The following CCDC30 variants were observed in gnomAD, a reference collection of about 807,000 sequenced individuals.
CCDC30 encodes the protein coiled-coil domain-containing protein 30.
CCDC30 carries 70 observed loss-of-function variants against 100.2 expected under a neutral mutation model. That is an observed-to-expected ratio of 0.70 (90% CI 0.58 to 0.85). The LOEUF is 0.85. Among genes scored for constraint, CCDC30 ranks in the 40% least tolerant of loss-of-function variants. The pLI is 0.00. For missense variants in CCDC30, 652 were observed against 771.2 expected (o/e 0.85, Z 1.83); for synonymous variants, 233 against 269.5 (o/e 0.86, Z 1.33).
intron 11 of CCDC30, among the ~76,000 whole-genome samples, chr1:42,626,702 G>T (rs1646940319): frequency 6.6e-6 from 1 of 152,050 alleles, no homozygotes; most frequent in South Asian, 2.1e-4. Flanking sequence ...TGCTATTCTT[G>T]TGATAGTGAA....
At position 42,509,370 on chromosome 1, in the gene CCDC30, ACT is replaced by A. The variant is rs1222970413; in HGVS notation, c.456+10461_456+10462del. On this transcript the variant is annotated intron_variant, in intron 6 of 16. Coordinates refer to ENST00000668663, the Ensembl canonical transcript of CCDC30. ...TGCAGCTGGAGGCTACAAGATTTTG[ACT>A]CTCTCTAAACTGCTCTCAAGGTCAG... is the stretch of plus-strand genomic sequence containing the variant. Among the ~76,000 whole-genome samples, 5 of 152,004 alleles carry A rather than the reference ACT, an allele frequency of 3.3e-5. No individual in the cohort carries two copies. In the South Asian group the frequency reaches 1.0e-3, roughly 32 times the overall value.
At chr1:42,603,075 A>G (rs1275002110) in intron 10 of CCDC30, among the ~76,000 whole-genome samples, 1 of 152,224 alleles carries the variant, frequency 6.6e-6, no homozygotes, top group African/African-American at 2.4e-5. Context: ...TGCTATAACA[A>G]AATACCTTAG....
At chr1:42,474,392 G>A (rs773335559) in intron 1 of CCDC30, among the ~76,000 whole-genome samples, 1 of 152,142 alleles carries the variant, frequency 6.6e-6, no homozygotes, top group Admixed American at 6.6e-5. Context: ...AATTACCCAT[G>A]TACTTGGCAC....
chr1:42,650,490 A>AT (rs1553129531), intron 15 of CCDC30, among the ~76,000 whole-genome samples: 45 of 130,086 alleles, frequency 3.5e-4, no homozygotes, highest in Admixed American at 1.7e-3. Context: ...TGTCTAAAAA[A>AT]ATATATATGT....
At chr1:42,470,361 G>A (rs1406943408) in intron 1 of CCDC30, among the ~76,000 whole-genome samples, 2 of 151,980 alleles carry the variant, frequency 1.3e-5, no homozygotes, top group South Asian at 2.1e-4. Flanking sequence ...TGCATTGCTG[G>A]TAGGAACGTA....
At chr1:42,460,306 G>A, upstream of CCDC30, 1 of 992,694 alleles carries the variant, frequency 1.0e-6, no homozygotes, top group South Asian at 4.6e-5. Context: ...GCCCTGTGCT[G>A]AGCCATGAGG....
intron 10 of CCDC30, chr1:42,593,646 C>T (rs895257021): frequency 6.6e-6 from 1 of 152,210 alleles, no homozygotes; most frequent in Non-Finnish European, 1.5e-5. Context: ...TGAGGCTGCC[C>T]CAGAGTCTCC....
At chr1:42,605,762 C>T (rs563217281) in intron 10 of CCDC30, among the ~76,000 whole-genome samples, 1 of 152,220 alleles carries the variant, frequency 6.6e-6, no homozygotes, top group Admixed American at 6.5e-5. Context: ...GCTTGGATTA[C>T]AAGCATGAGC....
chr1:42,655,418 G>A (rs553898617), downstream of CCDC30, among the ~76,000 whole-genome samples: 159 of 152,110 alleles, frequency 1.0e-3, no homozygotes, highest in Non-Finnish European at 2.0e-3. Context: ...GGTAGTGCGC[G>A]CGCCTGTAGT....
chr1:42,528,824 A>G (rs986904175), intron 6 of CCDC30, among the ~76,000 whole-genome samples: 1 of 152,198 alleles, frequency 6.6e-6, no homozygotes, highest in African/African-American at 2.4e-5. Context: ...TACCTGGTTA[A>G]TCTACCTCCC....
At chr1:42,626,315 CTA>C (rs1646932941) in intron 11 of CCDC30, among the ~76,000 whole-genome samples, 1 of 151,952 alleles carries the variant, frequency 6.6e-6, no homozygotes, top group Non-Finnish European at 1.5e-5. Flanking sequence ...TTCAGCCAGT[CTA>C]TGTCTTTTGA....
At chr1:42,625,707 T>C (rs749690846) in intron 11 of CCDC30, among the ~76,000 whole-genome samples, 2 of 152,176 alleles carry the variant, frequency 1.3e-5, no homozygotes, top group African/African-American at 4.8e-5. Context: ...TATTCCAATA[T>C]GGTCGGAGAA....
At chr1:42,460,523 T>C (rs75282386), upstream of CCDC30, 1 of 310,840 alleles carries the variant, frequency 3.2e-6, no homozygotes, top group Non-Finnish European at 4.7e-6. Context: ...ACTTTTTGCT[T>C]CTTATTGTAG....
At chr1:42,540,100 G>A (rs377287517) in intron 6 of CCDC30, among the ~76,000 whole-genome samples, 2 of 152,146 alleles carry the variant, frequency 1.3e-5, no homozygotes, top group South Asian at 2.1e-4. Flanking sequence ...AGATTAAGGA[G>A]CAAAGTCTTG....
At chr1:42,556,721 T>C (rs1300453217) in intron 6 of CCDC30, among the ~76,000 whole-genome samples, 2 of 152,154 alleles carry the variant, frequency 1.3e-5, no homozygotes, top group Non-Finnish European at 2.9e-5. Flanking sequence ...AGTAGCAAAA[T>C]AGCAAGTAAA....
intron 6 of CCDC30, among the ~76,000 whole-genome samples, chr1:42,505,866 G>C (rs1172678614): frequency 3.3e-5 from 5 of 152,172 alleles, no homozygotes; most frequent in Non-Finnish European, 5.9e-5. Context: ...CTTCCCCAAA[G>C]GGCTTTTATT....
chr1:42,581,521 G>C lies in CCDC30; in HGVS notation c.1001+7G>C. ...AAGAAGAACAACAGAAGAGGTAAGA[G>C]GAGCAGAGATCTCAGTTTCCTGTGG... On this transcript the variant is annotated splice_region_variant and intron_variant, in intron 9 of 16. Transcript: ENST00000668663. The C allele has an allele frequency of 6.2e-7, 1 of 1,604,988 alleles. No homozygotes were observed. The highest frequency in any genetic ancestry group is 2.2e-5 in the East Asian group (1 of 44,688).
intron 6 of CCDC30, among the ~76,000 whole-genome samples, chr1:42,522,845 G>A (rs894714269): frequency 3.3e-5 from 5 of 152,090 alleles, no homozygotes; most frequent in Non-Finnish European, 7.4e-5. Flanking sequence ...ACAACAAAAA[G>A]TGGAGTTACA....
At chr1:42,473,073 T>TTGTG (rs1027187986) in intron 1 of CCDC30, 4 of 1,171,578 alleles carry the variant, frequency 3.4e-6, no homozygotes, top group South Asian at 4.4e-5. Flanking sequence ...GCATCCTCAG[T>TTGTG]TGTGTGTGTG....
Sources: allele counts gnomAD v4.1 joint callset (sites outside exome capture counted in the v4.1 genomes callset), GRCh38; gene constraint gnomAD v4.1.1; transcripts MANE v1.5; gene names NCBI Gene and HGNC (gene_info 2026-07-23, HGNC 2026-07-21).